The following ZNF142 variants were observed in gnomAD, a reference collection of about 807,000 sequenced individuals.
The protein encoded by ZNF142 is zinc finger protein 142 (clone pHZ-49).
ZNF142 carries 96 observed loss-of-function variants against 132.1 expected under a neutral mutation model. That is an observed-to-expected ratio of 0.73 (90% confidence interval 0.62 to 0.86). The LOEUF (loss-of-function observed/expected upper bound fraction) is 0.86, where lower values mean the gene tolerates loss of function less well. Among genes scored for constraint, ZNF142 ranks in the 40% least tolerant of loss-of-function variants. The probability of loss-of-function intolerance (pLI) is 0.00; values close to 1 mark genes in which losing one functional copy is unlikely to be tolerated. For missense variants in ZNF142, 2,163 were observed against 2,336.2 expected, an observed-to-expected ratio of 0.93 and a Z score of 1.53; for synonymous variants, 842 against 890.1, an observed-to-expected ratio of 0.95 and a Z score of 0.96.
intron 7 of ZNF142, among the ~76,000 whole-genome samples, chr2:218,647,007 CAACAG>C (rs140647524): frequency 0.28 from 42,303 of 151,824 alleles, 7,397 homozygotes; most frequent in Non-Finnish European, 0.39. Context: ...ATAAATGAGA[CAACAG>C]AACAGAATGG....
At chr2:218,641,486 C>T (rs1378545648) in intron 9 of ZNF142, among the ~76,000 whole-genome samples, 4 of 151,826 alleles carry the variant, frequency 2.6e-5, no homozygotes, top group Non-Finnish European at 5.9e-5. Context: ...CCTCATGATC[C>T]GCCCACCTTG....
At chr2:218,657,764 C>A (rs1234654099) in intron 3 of ZNF142, among the ~76,000 whole-genome samples, 2 of 152,078 alleles carry the variant, frequency 1.3e-5, no homozygotes, top group African/African-American at 4.8e-5. Context: ...TCTCTTCTGG[C>A]GTCCTAAGGG....
chr2:218,635,791 T>C lies in ZNF142; in HGVS notation c.*2548A>G. 2 of 1,611,236 alleles carry C rather than the reference T, an allele frequency of 1.2e-6. No homozygotes were observed. Among genetic ancestry groups the C allele is most frequent in the Non-Finnish European group, 1.7e-6 (2 of 1,178,786 alleles). ...ACTTGTGAGATTCCAGAGCCCTGACTACAGGTGATCAGCGGTCAGCAACTC... is the reference window on the plus strand; with the variant it reads ...ACTTGTGAGATTCCAGAGCCCTGACCACAGGTGATCAGCGGTCAGCAACTC... On this transcript the variant is annotated 3_prime_UTR_variant, in exon 11 of 11. Coordinates refer to ENST00000411696, the MANE Select transcript of ZNF142 (RefSeq NM_001379659.1).
rs373309205 is a variant in ZNF142 at position 218,643,977 on chromosome 2, G to A, written c.3139C>T (p.Arg1047Trp). Residue 1047 changes from arginine to tryptophan, a missense_variant, in exon 9 of 11, where the codon CGG becomes TGG. Physicochemically the swap from Arg to Trp is moderately radical, Grantham distance 101 (BLOSUM62 -3). This residue lies in a region of ZNF142 where 809 missense variants were observed against 801.7 expected (regional missense o/e 1.01). Coordinates refer to ENST00000411696, the MANE Select transcript of ZNF142 (RefSeq NM_001379659.1). The stretch of plus-strand genomic sequence containing the variant: ...GAGTGCAGATTCAGGGCCTTCTCCC[G>A]GCGAGTGATAAAAGGGCAGTGTGGG... ...RCPHCPFITRREKALNLHSRT... is the reference protein window; with the variant it reads ...RCPHCPFITRWEKALNLHSRT... 9.1e-5 allele frequency: 147 copies of A among 1,614,010 alleles called. No individual in the cohort carries two copies. Among genetic ancestry groups the A allele is most frequent in the Admixed American group, 1.8e-4 (11 of 60,004 alleles).
chr2:218,638,577 C>T lies in ZNF142; in HGVS notation c.5426G>A (p.Arg1809His), dbSNP rs371679801. The change falls in exon 11 of 11, where the codon CGC (arginine) becomes CAC (histidine). Residue 1809 changes from arginine (R) to histidine (H), a missense_variant. Transcript: ENST00000411696. The part of the protein sequence containing the change: ...HRAFRWAAGL[R>H]HHALTHTDRH... ...GTCGGTGTGGGTGAGGGCATGATGG[C>T]GCAGGCCAGCAGCCCAGCGGAAAGC... 12 of 1,611,774 alleles carry T rather than the reference C, an allele frequency of 7.4e-6. No homozygotes were observed. Among genetic ancestry groups the T allele is most frequent in the African/African-American group, 2.7e-5 (2 of 74,886 alleles).
chr2:218,636,557 C>G lies in ZNF142; in HGVS notation c.*1782G>C, dbSNP rs373053225. ...TGTGTATATCTGCATCCAGGAAGGC[C>G]TGGAGGGGGATGAGTCCTGAGGTGG... is the stretch of plus-strand genomic sequence containing the variant. On this transcript the variant is annotated 3_prime_UTR_variant, in exon 11 of 11. Coordinates refer to ENST00000411696, the MANE Select transcript of ZNF142 (RefSeq NM_001379659.1). 7.4e-6 allele frequency: 12 copies of G among 1,613,950 alleles called. No individual in the cohort carries two copies. The East Asian group carries it at 2.2e-4, about 30-fold the overall frequency.
At chr2:218,646,461 A>T in intron 7 of ZNF142, 113 bp from the exon 8 acceptor site, 1 of 1,218,498 alleles carries the variant, frequency 8.2e-7, no homozygotes, top group Non-Finnish European at 1.1e-6. Flanking sequence ...CAACAGCTTC[A>T]TGTGCTACCT....
In ZNF142 at chr2:218,636,430, C is replaced by A; in HGVS notation, c.*1909G>T. On this transcript the variant is annotated 3_prime_UTR_variant, in exon 11 of 11. Transcript: ENST00000411696. ...CTTTGGCCCCTGGCCAATACCCCAG[C>A]TCTGGCTGCCTTCCTAATGCTGTCC... 6.2e-7 allele frequency: 1 copy of A among 1,614,022 alleles called. No homozygotes were observed. Among genetic ancestry groups the A allele is most frequent in the Non-Finnish European group, 8.5e-7 (1 of 1,179,888 alleles).
Position 218,651,952 on chromosome 2 carries a change from A to T in ZNF142, c.629T>A (p.Leu210Gln). Residue 210 changes from leucine to glutamine, a missense_variant, in exon 5 of 11, where the codon CTG becomes CAG. Leu to Gln is a moderately radical substitution (Grantham distance 113). This residue lies in a region of ZNF142 where 195 missense variants were observed against 172.4 expected (regional missense o/e 1.13). Transcript: ENST00000411696. ...CVFSAEDRKG[L>Q]QHHLRQTHRA... ...GTGAGTCTGCCTCAGGTGGTGCTGC[A>T]GACCCTTGCGATCTTCAGCAGAGAA... The T allele has an allele frequency of 9.3e-7, 1 of 1,075,606 alleles. No homozygotes were observed. Among genetic ancestry groups the T allele is most frequent in the Non-Finnish European group, 1.3e-6 (1 of 793,110 alleles). The allele number at this position is 1,075,606 out of a possible 1,614,324, so 66.6% of individuals were successfully genotyped here.
In ZNF142 at chr2:218,634,017, G is replaced by A; in HGVS notation, c.*4322C>T. On this transcript the variant is annotated 3_prime_UTR_variant, in exon 11 of 11. Coordinates refer to ENST00000411696, the MANE Select transcript of ZNF142 (RefSeq NM_001379659.1). The surrounding 1 kb of genome is among the most constrained non-coding windows in gnomAD (Gnocchi z 4.0). Reference sequence around the variant, plus strand: ...TGGAGCCAGCTTCAGATGCTGGAGAGAAGGGTGAAGAGTAGGCATGGTCCT... The same window carrying A: ...TGGAGCCAGCTTCAGATGCTGGAGAAAAGGGTGAAGAGTAGGCATGGTCCT... 1 of 1,499,576 alleles carries A rather than the reference G, an allele frequency of 6.7e-7. No homozygotes were observed. Among genetic ancestry groups the A allele is most frequent in the East Asian group, 2.5e-5 (1 of 40,638 alleles). 92.9% of individuals were successfully genotyped at this position (1,499,576 alleles called of 1,614,324 possible). A position where few individuals can be genotyped will look rare whatever the true frequency, so the allele number is the denominator to read the frequency against.
rs954015234 is a variant in ZNF142 at position 218,659,434 on chromosome 2, G to A, written c.-427C>T. 2.0e-5 allele frequency: 3 copies of A among 152,286 alleles called. No individual in the cohort carries two copies. In the South Asian group the frequency reaches 6.2e-4, roughly 31 times the overall value. The allele number at this position is 152,286 out of a possible 1,614,324, so 9.4% of individuals were successfully genotyped here. A position where few individuals can be genotyped will look rare whatever the true frequency, so the allele number is the denominator to read the frequency against. ...GGCCGCGGCTGGAACGGCCCCCGGG[G>A]CCCGCTTTGTGCGACCGCCTCCGGC... is the stretch of plus-strand genomic sequence containing the variant. On this transcript the variant is annotated 5_prime_UTR_variant, in exon 1 of 11. Transcript: ENST00000411696. This position sits in a 1 kb window ranked among gnomAD's most constrained non-coding sequence, Gnocchi z 4.4.
In ZNF142 at chr2:218,638,199, G is replaced by T; in HGVS notation, c.*140C>A. On this transcript the variant is annotated 3_prime_UTR_variant, in exon 11 of 11. Coordinates refer to ENST00000411696, the MANE Select transcript of ZNF142 (RefSeq NM_001379659.1). ...TGATAATTTCAAAGTACTATAGCCA[G>T]AGTCCCAGGAAGGTTCTAGTCACCC... The T allele has an allele frequency of 1.5e-6, 1 of 677,800 alleles. No homozygotes were observed. The highest frequency in any genetic ancestry group is 2.2e-6 in the Non-Finnish European group (1 of 458,692). 42.0% of individuals were successfully genotyped at this position (677,800 alleles called of 1,614,324 possible).
At chr2:218,645,190 C>T in intron 8 of ZNF142, 126 bp from the exon 9 acceptor site, 2 of 1,231,126 alleles carry the variant, frequency 1.6e-6, no homozygotes, top group South Asian at 1.5e-5. Context: ...CTGATGTAAC[C>T]CTCCTTTTCA....
chr2:218,653,261 AG>A (rs1359607883), intron 4 of ZNF142, among the ~76,000 whole-genome samples: 2 of 23,170 alleles, frequency 8.6e-5, no homozygotes, highest in Non-Finnish European at 1.7e-4. Flanking sequence ...CCTGGCCAAG[AG>A]AGAGACTCTG....
rs1043465619 is a variant in ZNF142, at chr2:218,652,031, T to G, written c.550A>C (p.Lys184Gln). ...AQPQALKSHF[K>Q]IHRGTPDTFS... ...GTGTCAGGAGTGCCCCGGTGAATCT[T>G]GAAGTGGCTCTTCAGGGCCTGGGGT... is the stretch of plus-strand genomic sequence containing the variant. The change falls in exon 5 of 11, where the codon AAG becomes CAG. Residue 184 changes from lysine to glutamine, a missense_variant. Physicochemically the swap from Lys to Gln is moderately conservative, Grantham distance 53. Coordinates refer to ENST00000411696, the MANE Select transcript of ZNF142 (RefSeq NM_001379659.1). The G allele has an allele frequency of 3.9e-6, 2 of 518,576 alleles. No homozygotes were observed. The highest frequency in any genetic ancestry group is 7.0e-6 in the Non-Finnish European group (2 of 283,952). The allele number at this position is 518,576 out of a possible 1,614,324, so 32.1% of individuals were successfully genotyped here.
At position 218,634,034 on chromosome 2, in the gene ZNF142, CA is replaced by C; in HGVS notation, c.*4304del. 5.2e-6 allele frequency: 8 copies of C among 1,532,928 alleles called. No homozygotes were observed. Among genetic ancestry groups the C allele is most frequent in the Non-Finnish European group, 7.1e-6 (8 of 1,133,424 alleles). 95.0% of individuals were successfully genotyped at this position (1,532,928 alleles called of 1,614,324 possible). Reference sequence around the variant, plus strand: ...GCTGGAGAGAAGGGTGAAGAGTAGGCATGGTCCTTGGGACTAGGGAAGTGGG... The same window carrying C: ...GCTGGAGAGAAGGGTGAAGAGTAGGCTGGTCCTTGGGACTAGGGAAGTGGG... On this transcript the variant is annotated 3_prime_UTR_variant, in exon 11 of 11. Coordinates refer to ENST00000411696, the MANE Select transcript of ZNF142 (RefSeq NM_001379659.1). The surrounding 1 kb of genome is among the most constrained non-coding windows in gnomAD (Gnocchi z 4.0).
Position 218,637,187 on chromosome 2 carries a change from T to C in ZNF142, c.*1152A>G, listed in dbSNP as rs975494657. On this transcript the variant is annotated 3_prime_UTR_variant, in exon 11 of 11. Transcript: ENST00000411696. ...ACATCTCTCTCCAATTTGGCTTCAATATGGTCTGTCATTGTTGGGCAAGAA... is the reference window on the plus strand; with the variant it reads ...ACATCTCTCTCCAATTTGGCTTCAACATGGTCTGTCATTGTTGGGCAAGAA... The C allele has an allele frequency of 4.0e-5, 10 of 252,410 alleles. No homozygotes were observed. Among genetic ancestry groups the C allele is most frequent in the African/African-American group, 2.0e-4 (9 of 44,254 alleles). The allele number at this position is 252,410 out of a possible 1,614,324, so 15.6% of individuals were successfully genotyped here. A position where few individuals can be genotyped will look rare whatever the true frequency, so the allele number is the denominator to read the frequency against.
At chr2:218,656,683 G>T (rs781663731) in intron 3 of ZNF142, among the ~76,000 whole-genome samples, 4 of 152,164 alleles carry the variant, frequency 2.6e-5, no homozygotes, top group Non-Finnish European at 5.9e-5. Context: ...CAGCCAACAA[G>T]TATTGGCCAA....
In ZNF142 at chr2:218,642,780, GC is replaced by G; in HGVS notation, c.4335del (p.Leu1445PhefsTer4). The G allele has an allele frequency of 6.2e-7, 1 of 1,614,218 alleles. No homozygotes were observed. The highest frequency in any genetic ancestry group is 8.5e-7 in the Non-Finnish European group (1 of 1,180,048). On this transcript the variant is annotated frameshift_variant, in exon 9 of 11. Transcript: ENST00000411696. LOFTEE classifies it high-confidence loss of function. The surrounding 1 kb of genome is among the most constrained non-coding windows in gnomAD (Gnocchi z 4.6). ...GTTTTGTCATGTACCCTTAACCGGT[GC>G]AAGCGCAGTTTCGAGTTGGTACCAA... ...QTFGTNSKLR[L>X]HRLRVHDKTP...
Sources: allele counts gnomAD v4.1 joint callset (sites outside exome capture counted in the v4.1 genomes callset), GRCh38; gene constraint gnomAD v4.1.1; regional missense constraint gnomAD v4.1.1; non-coding constraint Gnocchi (gnomAD v3.1); transcripts MANE v1.5; gene names NCBI Gene and HGNC (gene_info 2026-07-23, HGNC 2026-07-21).